Variants in CERT1 observed in about 807,000 individuals in gnomAD.
The protein encoded by CERT1 is ceramide transfer protein.
CERT1 carries 31 observed loss-of-function variants against 87.9 expected under a neutral mutation model. The observed-to-expected ratio is 0.35, with a 90% CI of 0.27 to 0.48. The LOEUF (loss-of-function observed/expected upper bound fraction) is 0.48. Among genes scored for constraint, CERT1 ranks in the 20% least tolerant of loss-of-function variants. The probability of loss-of-function intolerance (pLI) is 0.99; values close to 1 mark genes in which losing one functional copy is unlikely to be tolerated. For synonymous variants in CERT1, 289 were observed against 250.9 expected (o/e 1.15, Z -1.44); for missense variants, 487 against 758.0 (o/e 0.64, Z 4.20).
chr5:75,457,610 A>G (rs1765040243), intron 3 of CERT1, among the ~76,000 whole-genome samples: 1 of 152,076 alleles, frequency 6.6e-6, no homozygotes, highest in Non-Finnish European at 1.5e-5. Flanking sequence ...AAGCTAAAAC[A>G]AAGAAAAAAA....
chr5:75,490,156 T>C (rs773863169), intron 2 of CERT1, among the ~76,000 whole-genome samples: 4 of 152,068 alleles, frequency 2.6e-5, no homozygotes, highest in Non-Finnish European at 4.4e-5. Context: ...TGAGAACATA[T>C]GAGCACAGGG....
chr5:75,447,445 A>AATTTATTTATTTATTTATTT (rs376050463), intron 3 of CERT1, among the ~76,000 whole-genome samples: 244 of 149,016 alleles, frequency 1.6e-3, no homozygotes, highest in African/African-American at 3.8e-3. Context: ...TTTTAAAAAA[A>AATTTATTTATTTATTTATTT]ATTTATTTAT....
chr5:75,446,826 C>T (rs1764559036), intron 3 of CERT1, among the ~76,000 whole-genome samples: 1 of 152,092 alleles, frequency 6.6e-6, no homozygotes, highest in Admixed American at 6.6e-5. Flanking sequence ...TATGAATGTC[C>T]TAGTCTTTAA....
At position 75,419,322 on chromosome 5, in the gene CERT1, G is replaced by A. The variant is rs1463139478; in HGVS notation, c.679+19C>T. On this transcript the variant is annotated intron_variant, in intron 6 of 16. Coordinates refer to ENST00000643780, the MANE Select transcript of CERT1 (RefSeq NM_001379029.1). The stretch of plus-strand genomic sequence containing the variant: ...GAAAGTATATTTTATCCAGCTGAGG[G>A]GAAAAATGTATTACTTACACTTTTC... The A allele has an allele frequency of 6.6e-7, 1 of 1,507,566 alleles. No homozygotes were observed. Among genetic ancestry groups the A allele is most frequent in the Non-Finnish European group, 9.2e-7 (1 of 1,090,998 alleles). The allele number at this position is 1,507,566 out of a possible 1,614,324, so 93.4% of individuals were successfully genotyped here.
intron 14 of CERT1, among the ~76,000 whole-genome samples, chr5:75,382,620 G>C (rs552157507): frequency 6.6e-6 from 1 of 151,982 alleles, no homozygotes; most frequent in Admixed American, 6.6e-5. Flanking sequence ...ATGACATGGA[G>C]CCTAGGTCTT....
At chr5:75,381,468 G>A (rs559103921) in intron 15 of CERT1, among the ~76,000 whole-genome samples, 4 of 151,206 alleles carry the variant, frequency 2.6e-5, no homozygotes, top group East Asian at 3.9e-4. Context: ...CAATCCTCCC[G>A]CCTCAACCTC....
At chr5:75,483,258 T>C (rs190465409) in intron 2 of CERT1, among the ~76,000 whole-genome samples, 1 of 152,308 alleles carries the variant, frequency 6.6e-6, no homozygotes, top group Admixed American at 6.5e-5. Context: ...TATACATCAG[T>C]GTCTCTCAAC....
At chr5:75,425,270 C>A in intron 5 of CERT1, 91 bp downstream of exon 5, 1 of 1,288,218 alleles carries the variant, frequency 7.8e-7, no homozygotes, top group Non-Finnish European at 1.1e-6. Context: ...CTATAAACAC[C>A]TTTATCACTT....
upstream of CERT1, chr5:75,511,740 T>C (rs1201411155): frequency 1.3e-6 from 2 of 1,549,444 alleles, no homozygotes; most frequent in African/African-American, 2.7e-5. Flanking sequence ...GCCTTCGGGA[T>C]CCTCCTCCCG....
chr5:75,442,682 C>T (rs540627087), intron 3 of CERT1, among the ~76,000 whole-genome samples: 1 of 151,836 alleles, frequency 6.6e-6, no homozygotes, highest in Non-Finnish European at 1.5e-5. Flanking sequence ...GTTTCATGTG[C>T]ATAGATTCAG....
rs547854138 is a variant in CERT1, at chr5:75,447,668, G to A, written c.348+11397C>T. Among the ~76,000 whole-genome samples the A allele has an allele frequency of 1.1e-3, 160 of 151,754 alleles. No individual in the cohort carries two copies. The South Asian group carries it at 0.033, about 31-fold the overall frequency. On this transcript the variant is annotated intron_variant, in intron 3 of 16. Transcript: ENST00000643780. ...TTTTTGTACTTTTAGTAGAGACAGG[G>A]TTTCACCATGTTCGCCAGGATGGTC...
At chr5:75,511,775 T>C (rs1348142410), upstream of CERT1, 7 of 1,550,890 alleles carry the variant, frequency 4.5e-6, no homozygotes, top group Non-Finnish European at 2.6e-6. Context: ...CTCTCCCGGG[T>C]GACGACGGGT....
chr5:75,447,446 A>G (rs1013250903), intron 3 of CERT1, among the ~76,000 whole-genome samples: 1 of 98,368 alleles, frequency 1.0e-5, no homozygotes, highest in South Asian at 3.3e-4. Context: ...TTTAAAAAAA[A>G]TTTATTTATT....
chr5:75,380,777 C>CAAA (rs35083616), intron 16 of CERT1, among the ~76,000 whole-genome samples: 183 of 51,428 alleles, frequency 3.6e-3, no homozygotes, highest in Non-Finnish European at 4.4e-3. Flanking sequence ...GACTCCATCT[C>CAAA]AAAAAAAAAA....
At chr5:75,406,305 C>T (rs1275208384) in intron 8 of CERT1, among the ~76,000 whole-genome samples, 1 of 152,250 alleles carries the variant, frequency 6.6e-6, no homozygotes, top group African/African-American at 2.4e-5. Flanking sequence ...TTTACTCATT[C>T]TTAAGGTTTC....
intron 12 of CERT1, among the ~76,000 whole-genome samples, chr5:75,387,322 C>T (rs1042690095): frequency 5.3e-5 from 8 of 152,182 alleles, no homozygotes; most frequent in Non-Finnish European, 7.3e-5. Flanking sequence ...AAAATGTCTT[C>T]GCTAAGACAT....
intron 7 of CERT1, among the ~76,000 whole-genome samples, chr5:75,413,450 C>T (rs969349455): frequency 1.2e-4 from 19 of 152,274 alleles, no homozygotes; most frequent in Non-Finnish European, 2.4e-4. Context: ...TACAGATCCA[C>T]CAGAATGACT....
At chr5:75,412,804 G>C (rs28609217) in intron 7 of CERT1, among the ~76,000 whole-genome samples, 51,197 of 152,040 alleles carry the variant, frequency 0.34, 10,160 homozygotes, top group African/African-American at 0.56. Context: ...CAGGGTGAGT[G>C]AGTGAGTGAG....
intron 17 of CERT1, chr5:75,370,296 G>A (rs1227026132): frequency 6.6e-6 from 1 of 152,182 alleles, no homozygotes; most frequent in Non-Finnish European, 1.5e-5. Flanking sequence ...TGAGTGAAAT[G>A]GAAGTCCACA....
Sources: allele counts gnomAD v4.1 joint callset (sites outside exome capture counted in the v4.1 genomes callset), GRCh38; gene constraint gnomAD v4.1.1; transcripts MANE v1.5; gene names NCBI Gene and HGNC (gene_info 2026-07-23, HGNC 2026-07-21).